FAT1: variants seen among roughly 807,000 people sequenced by gnomAD.
FAT1 encodes the protein protocadherin Fat 1.
A neutral mutation model predicts 329.8 loss-of-function variants in FAT1; 171 were observed. The observed-to-expected ratio is 0.52, with a 90% CI of 0.46 to 0.59. The LOEUF (loss-of-function observed/expected upper bound fraction) is 0.59. Among genes scored for constraint, FAT1 ranks in the 20% least tolerant of loss-of-function variants. The probability of loss-of-function intolerance (pLI) is 0.00; values close to 1 mark genes in which losing one functional copy is unlikely to be tolerated. For missense variants in FAT1, 5,672 were observed against 5,774.4 expected (o/e 0.98, Z 0.57); for synonymous variants, 2,233 against 2,228.6 (o/e 1.00, Z -0.06).
intron 1 of FAT1, among the ~76,000 whole-genome samples, chr4:186,718,285 T>C (rs1375214295): frequency 6.6e-6 from 1 of 152,160 alleles, no homozygotes; most frequent in African/African-American, 2.4e-5. Context: ...GATACTCTGA[T>C]ACCACAAAAT....
At chr4:186,721,286 C>T (rs1579512711) in intron 1 of FAT1, among the ~76,000 whole-genome samples, 1 of 152,156 alleles carries the variant, frequency 6.6e-6, no homozygotes, top group East Asian at 1.9e-4. Context: ...TATGCAGATT[C>T]CTCATCAGAA....
At chr4:186,685,123 C>T (rs1360005241) in intron 2 of FAT1, among the ~76,000 whole-genome samples, 1 of 152,150 alleles carries the variant, frequency 6.6e-6, no homozygotes, top group Non-Finnish European at 1.5e-5. Context: ...TTTGATTCAC[C>T]TCACCTTTCT....
In FAT1 at chr4:186,619,990, C is replaced by T. The variant is rs374542025; in HGVS notation, c.6596G>A (p.Ser2199Asn). 3 of 1,613,884 alleles carry T rather than the reference C, an allele frequency of 1.9e-6. No homozygotes were observed. Among genetic ancestry groups the T allele is most frequent in the Non-Finnish European group, 2.5e-6 (3 of 1,179,898 alleles). ...GTTAGCCTGCACGTGGACCACAGGG[C>T]TGTGCACCTGGATGCTCTCTGCAAT... is the stretch of plus-strand genomic sequence containing the variant. ...AEIAESIQVHSPVVHVQANSP... is the reference protein window; with the variant it reads ...AEIAESIQVHNPVVHVQANSP... The change falls in exon 10 of 27, where the codon AGC becomes AAC. Residue 2199 changes from serine (S) to asparagine (N), a missense_variant. Physicochemically the swap from Ser to Asn is conservative, Grantham distance 46 (BLOSUM62 1). This residue lies in a region of FAT1 where 3,966 missense variants were observed against 3,915.2 expected (regional missense o/e 1.01). Coordinates refer to ENST00000441802, the MANE Select transcript of FAT1 (RefSeq NM_005245.4).
chr4:186,636,894 A>G lies in FAT1; in HGVS notation c.3663T>C (p.Gly1221=). 3 of 1,609,728 alleles carry G rather than the reference A, an allele frequency of 1.9e-6. No individual in the cohort carries two copies. Among genetic ancestry groups the G allele is most frequent in the South Asian group, 1.1e-5 (1 of 90,572 alleles). ...TTGCAATGGTTGATTTGGGGGGACT[A>G]CCATTGTCTGTCACAGTAACCTGTT... is the stretch of plus-strand genomic sequence containing the variant. The part of the protein sequence containing the change: ...HILEVTVTDN[G]SPPKSTIARV... The change falls in exon 5 of 27, where the codon GGT becomes GGC. Residue 1221 remains glycine, a synonymous_variant. Coordinates refer to ENST00000441802, the MANE Select transcript of FAT1 (RefSeq NM_005245.4).
intron 14 of FAT1, among the ~76,000 whole-genome samples, chr4:186,610,829 A>T (rs1413511122): frequency 6.6e-6 from 1 of 151,364 alleles, no homozygotes; most frequent in Admixed American, 6.6e-5. Context: ...TAGCAAGATG[A>T]TGAAGCATTC....
rs1173943726 is a variant in FAT1 at position 186,663,402 on chromosome 4, G to C, written c.3477C>G (p.Val1159=). 20 of 1,613,936 alleles carry C rather than the reference G, an allele frequency of 1.2e-5. No individual in the cohort carries two copies. Among genetic ancestry groups the C allele is most frequent in the Non-Finnish European group, 1.6e-5 (19 of 1,179,856 alleles). Residue 1159 remains valine, a synonymous_variant, in exon 3 of 27, where the codon GTC becomes GTG. Transcript: ENST00000441802. ...AATCTGGATCAAATGCCTCGATCTG[G>C]ACCACAGATACATCTTTAGGAGAAT... ...MENSPKDVSV[V]QIEAFDPDSS... is the part of the protein sequence containing the mutation.
intron 1 of FAT1, among the ~76,000 whole-genome samples, chr4:186,718,645 C>T (rs139792622): frequency 0.011 from 1,621 of 152,138 alleles, 11 homozygotes; most frequent in Middle Eastern, 0.017. Flanking sequence ...CCAGCCTGGG[C>T]GACAGAGCCA....
intron 2 of FAT1, among the ~76,000 whole-genome samples, chr4:186,668,723 G>T (rs564032115): frequency 6.6e-6 from 1 of 152,300 alleles, no homozygotes; most frequent in Non-Finnish European, 1.5e-5. Flanking sequence ...ACAGATTACA[G>T]ATTGATTTCT....
intron 2 of FAT1, among the ~76,000 whole-genome samples, chr4:186,700,508 C>A (rs1259470204): frequency 3.3e-5 from 5 of 152,136 alleles, no homozygotes; most frequent in Non-Finnish European, 5.9e-5. Context: ...AGTAAAAATG[C>A]TGGAAGATTC....
Position 186,620,683 on chromosome 4 carries a change from T to A in FAT1, c.5903A>T (p.Asn1968Ile), listed in dbSNP as rs2126518060. 6.2e-7 allele frequency: 1 copy of A among 1,614,056 alleles called. No homozygotes were observed. The highest frequency in any genetic ancestry group is 8.5e-7 in the Non-Finnish European group (1 of 1,179,898). ...RFAGLTSVKI[N>I]VKESKESHLK... The stretch of plus-strand genomic sequence containing the variant: ...GTGACTTTCTTTGCTTTCTTTCACA[T>A]TAATTTTGACAGAGGTAAGGCCGGC... Residue 1968 changes from asparagine to isoleucine, a missense_variant, in exon 10 of 27, where the codon AAT (asparagine) becomes ATT (isoleucine). This residue lies in a region of FAT1 where 3,966 missense variants were observed against 3,915.2 expected (regional missense o/e 1.01). Coordinates refer to ENST00000441802, the MANE Select transcript of FAT1 (RefSeq NM_005245.4).
intron 2 of FAT1, among the ~76,000 whole-genome samples, chr4:186,677,597 A>G (rs2126640322): frequency 6.6e-6 from 1 of 152,272 alleles, no homozygotes; most frequent in East Asian, 1.9e-4. Flanking sequence ...TCAGGATTCT[A>G]AAATTGAGAG....
In FAT1 at chr4:186,599,370, A is replaced by C. The variant is rs368143297; in HGVS notation, c.12103+528T>G. Among the ~76,000 whole-genome samples, 6 of 152,260 alleles carry C rather than the reference A, an allele frequency of 3.9e-5. No individual in the cohort carries two copies. In the East Asian group the frequency reaches 1.2e-3, roughly 29 times the overall value. ...ACCCTATTATTGGTAAGTGGGCCTA[A>C]CAGGAGTCCAGGGTGCAAAAGACAC... On this transcript the variant is annotated intron_variant, in intron 22 of 26. Transcript: ENST00000441802.
Position 186,588,853 on chromosome 4 carries a change from T to C in FAT1, c.13506A>G (p.Gln4502=), listed in dbSNP as rs2126351341. The C allele has an allele frequency of 1.2e-6, 2 of 1,614,000 alleles. No homozygotes were observed. Among genetic ancestry groups the C allele is most frequent in the Non-Finnish European group, 8.5e-7 (1 of 1,179,898 alleles). The part of the protein sequence containing the change: ...NFYPLDMSEP[Q]TKGTGENSTC... ...TACTATTCTCACCAGTGCCTTTTGT[T>C]TGAGGTTCAGACATATCGAGGGGAT... Residue 4502 remains glutamine, a synonymous_variant, in exon 27 of 27, where the codon CAA becomes CAG. Transcript: ENST00000441802.
Position 186,609,831 on chromosome 4 carries a change from T to G in FAT1, c.10038A>C (p.Glu3346Asp). The change falls in exon 15 of 27, where the codon GAA (glutamate) becomes GAC (aspartate). Residue 3346 changes from glutamate (E) to aspartate (D), a missense_variant. By Grantham distance (45) the Glu-to-Asp change is conservative. Coordinates refer to ENST00000441802, the MANE Select transcript of FAT1 (RefSeq NM_005245.4). ...SQDTYTTVISEDAVLEQSVIT... is the reference protein window; with the variant it reads ...SQDTYTTVISDDAVLEQSVIT... ...TGACAGACTGCTCAAGAACGGCATC[T>G]TCACTGATGACTGTCGTGTAGGTGT... 6.2e-7 allele frequency: 1 copy of G among 1,613,608 alleles called. No individual in the cohort carries two copies. Among genetic ancestry groups the G allele is most frequent in the East Asian group, 2.2e-5 (1 of 44,874 alleles).
At chr4:186,629,929 G>A (rs1267410813) in intron 7 of FAT1, among the ~76,000 whole-genome samples, 1 of 152,218 alleles carries the variant, frequency 6.6e-6, no homozygotes, top group Non-Finnish European at 1.5e-5. Flanking sequence ...CCATAGATTA[G>A]ATTACATATT....
rs774887346 is a variant in FAT1 at position 186,603,681 on chromosome 4, G to A, written c.10845C>T (p.Ser3615=). 17 of 1,613,828 alleles carry A rather than the reference G, an allele frequency of 1.1e-5. No homozygotes were observed. Among genetic ancestry groups the A allele is most frequent in the South Asian group, 8.8e-5 (8 of 91,088 alleles). The part of the protein sequence containing the change: ...LDIGQYLLNV[S]VTDGKFTTVA... The stretch of plus-strand genomic sequence containing the variant: ...CCGTCGTGAACTTCCCATCTGTTAC[G>A]CTGACATTGAGAAGGTATTGCCCTA... Residue 3615 remains serine (S), a synonymous_variant, in exon 19 of 27, where the codon AGC becomes AGT. Transcript: ENST00000441802.
intron 26 of FAT1, among the ~76,000 whole-genome samples, chr4:186,595,449 C>T (rs1257400643): frequency 6.6e-6 from 1 of 152,110 alleles, no homozygotes; most frequent in Non-Finnish European, 1.5e-5. Flanking sequence ...TCGATCAGAT[C>T]CTTCAATGAA....
At chr4:186,621,869 T>C (rs910781392) in intron 9 of FAT1, 94 bp from the exon 10 acceptor site, 16 of 786,620 alleles carry the variant, frequency 2.0e-5, no homozygotes, top group Non-Finnish European at 3.0e-5. Flanking sequence ...CCTTAAAAAT[T>C]ATATTCTGAA....
At position 186,620,129 on chromosome 4, in the gene FAT1, T is replaced by TA; in HGVS notation, c.6456dup (p.Thr2153TyrfsTer25). The TA allele has an allele frequency of 6.2e-7, 1 of 1,614,030 alleles. No individual in the cohort carries two copies. Among genetic ancestry groups the TA allele is most frequent in the Non-Finnish European group, 8.5e-7 (1 of 1,179,898 alleles). ...TTCCCTCCATCTTTTGCAACCACTGTAACAAGATATTCTTTATTTAAGGTG... is the reference window on the plus strand; with the variant it reads ...TTCCCTCCATCTTTTGCAACCACTGTAAACAAGATATTCTTTATTTAAGGTG... On this transcript the variant is annotated frameshift_variant, in exon 10 of 27. Transcript: ENST00000441802. LOFTEE classifies it high-confidence loss of function.
Sources: gnomAD v4.1 joint callset for allele counts (sites outside exome capture counted in the v4.1 genomes callset) on GRCh38, gnomAD v4.1.1 for gene constraint, gnomAD v4.1.1 regional missense constraint, MANE v1.5 for transcripts, NCBI Gene and HGNC (gene_info 2026-07-23, HGNC 2026-07-21) for gene names.